The following CDH12 variants were observed in gnomAD, a reference collection of about 807,000 sequenced individuals.
CDH12 encodes cadherin-12.
In CDH12, 41 loss-of-function variants were observed where a neutral mutation model predicts 74.1. The observed-to-expected ratio is 0.55, with a 90% CI of 0.43 to 0.72. The LOEUF is 0.72. Ranked by LOEUF, CDH12 falls within the 30% of genes least tolerant of loss-of-function variation. The pLI, the probability that CDH12 is intolerant of heterozygous loss-of-function variation, is 0.00. For missense variants in CDH12, 945 were observed against 977.2 expected, an observed-to-expected ratio of 0.97 and a Z score of 0.44; for synonymous variants, 399 against 355.0, an observed-to-expected ratio of 1.12 and a Z score of -1.39.
At chr5:22,844,072 T>TA (rs1350467015) in intron 1 of CDH12, among the ~76,000 whole-genome samples, 1 of 151,978 alleles carries the variant, frequency 6.6e-6, no homozygotes, top group Non-Finnish European at 1.5e-5. Flanking sequence ...TTCATCAAGA[T>TA]AAAAAAGAGA....
intron 1 of CDH12, among the ~76,000 whole-genome samples, chr5:22,511,201 T>C (rs1580720428): frequency 6.6e-6 from 1 of 152,252 alleles, no homozygotes; most frequent in Non-Finnish European, 1.5e-5. Context: ...GGCCAACATA[T>C]ATAATTTTTA....
chr5:22,058,310 G>A (rs1042888007), intron 5 of CDH12, among the ~76,000 whole-genome samples: 1 of 152,086 alleles, frequency 6.6e-6, no homozygotes, highest in African/African-American at 2.4e-5. Context: ...GTCTGCCTCG[G>A]CCTCCCAAAG....
chr5:22,452,887 A>G lies in CDH12; in HGVS notation c.-427-47536T>C, dbSNP rs1471544911. Among the ~76,000 whole-genome samples the G allele has an allele frequency of 2.1e-5, 3 of 145,954 alleles. No homozygotes were observed. The East Asian group carries it at 6.0e-4, about 29-fold the overall frequency. On this transcript the variant is annotated intron_variant, in intron 2 of 14. Coordinates refer to ENST00000382254, the MANE Select transcript of CDH12 (RefSeq NM_004061.5). ...ACTCAAACAACCTAAGAGCAAAAAA[A>G]AAAAAAAAAAAAAAAAATGAGTTAA...
rs540273152 is a variant in CDH12, at chr5:21,986,789, C to T, written c.232-11404G>A. On this transcript the variant is annotated intron_variant, in intron 5 of 14. Coordinates refer to ENST00000382254, the MANE Select transcript of CDH12 (RefSeq NM_004061.5). ...ACAATACATTACTATAGTTACATAT[C>T]ATTTCTTAATTTATTGTTAGCATTT... Among the ~76,000 whole-genome samples, 203 of 152,116 alleles carry T rather than the reference C, an allele frequency of 1.3e-3. 1 individual carries two copies. The highest frequency in any genetic ancestry group is 1.7e-3 in the Non-Finnish European group (118 of 67,946).
chr5:22,533,846 C>T (rs1018154020), intron 1 of CDH12, among the ~76,000 whole-genome samples: 6 of 152,088 alleles, frequency 3.9e-5, no homozygotes, highest in Admixed American at 2.6e-4. Context: ...TAGAGTTATA[C>T]ACATATATGT....
At chr5:21,964,000 CTTAGGTGACTTA>C (rs1756473937) in intron 6 of CDH12, among the ~76,000 whole-genome samples, 1 of 151,946 alleles carries the variant, frequency 6.6e-6, no homozygotes, top group Non-Finnish European at 1.5e-5. Flanking sequence ...GAATCCCCTT[CTTAGGTGACTTA>C]TTAGGAAAAA....
chr5:22,119,780 T>C (rs1745397292), intron 4 of CDH12, among the ~76,000 whole-genome samples: 1 of 152,138 alleles, frequency 6.6e-6, no homozygotes, highest in Non-Finnish European at 1.5e-5. Flanking sequence ...AAGAAAAAAA[T>C]GAAAATGTGA....
At chr5:22,794,040 C>T (rs568239283) in intron 1 of CDH12, among the ~76,000 whole-genome samples, 13 of 152,178 alleles carry the variant, frequency 8.5e-5, no homozygotes, top group African/African-American at 2.7e-4. Context: ...TGCTGAAACA[C>T]TCAGTCTCAC....
intron 4 of CDH12, among the ~76,000 whole-genome samples, chr5:22,144,416 C>T (rs1336579693): frequency 1.3e-5 from 2 of 152,112 alleles, no homozygotes; most frequent in Admixed American, 1.3e-4. Context: ...TAATGTACTA[C>T]TAATCATAAC....
chr5:22,067,108 T>C (rs897986879), intron 5 of CDH12, among the ~76,000 whole-genome samples: 2 of 152,212 alleles, frequency 1.3e-5, no homozygotes, highest in Non-Finnish European at 2.9e-5. Flanking sequence ...TATGCCATAA[T>C]TCATTTCACA....
chr5:22,605,708 G>A (rs1483054121), intron 1 of CDH12, among the ~76,000 whole-genome samples: 1 of 152,226 alleles, frequency 6.6e-6, no homozygotes, highest in Non-Finnish European at 1.5e-5. Flanking sequence ...CTGTGTAGGG[G>A]AAAGTCAGGC....
intron 1 of CDH12, among the ~76,000 whole-genome samples, chr5:22,816,101 T>C (rs988674540): frequency 1.3e-5 from 2 of 152,190 alleles, no homozygotes. Context: ...TAAAATCAGC[T>C]TTATTTTCGG....
intron 11 of CDH12, among the ~76,000 whole-genome samples, chr5:21,771,277 A>T (rs1204290561): frequency 6.6e-6 from 1 of 152,072 alleles, no homozygotes; most frequent in Admixed American, 6.6e-5. Context: ...ATGGAATCTT[A>T]GCCTTTTATG....
intron 1 of CDH12, among the ~76,000 whole-genome samples, chr5:22,734,605 C>T (rs1744591210): frequency 6.6e-6 from 1 of 151,776 alleles, no homozygotes; most frequent in African/African-American, 2.4e-5. Flanking sequence ...TACTTTATAC[C>T]CAACTTCTTC....
intron 2 of CDH12, among the ~76,000 whole-genome samples, chr5:22,445,754 C>T (rs1461746346): frequency 6.6e-6 from 1 of 152,024 alleles, no homozygotes; most frequent in Non-Finnish European, 1.5e-5. Context: ...AGCAGGGCAC[C>T]CTGTGGGCAT....
chr5:22,288,798 A>T (rs746409276), intron 3 of CDH12, among the ~76,000 whole-genome samples: 15 of 152,218 alleles, frequency 9.9e-5, no homozygotes, highest in Non-Finnish European at 1.8e-4. Context: ...GTATTAATAG[A>T]CTTTGAATTT....
intron 1 of CDH12, among the ~76,000 whole-genome samples, chr5:22,689,919 T>C (rs1417185225): frequency 1.3e-5 from 2 of 151,982 alleles, no homozygotes; most frequent in Admixed American, 1.3e-4. Flanking sequence ...ATAAAATACA[T>C]GAAAGAAGAG....
At chr5:21,922,217 C>T (rs990088392) in intron 6 of CDH12, among the ~76,000 whole-genome samples, 1 of 152,066 alleles carries the variant, frequency 6.6e-6, no homozygotes, top group Non-Finnish European at 1.5e-5. Context: ...GTTTATTTCT[C>T]TCTTTATACA....
At chr5:22,260,682 G>A (rs1753472515) in intron 3 of CDH12, among the ~76,000 whole-genome samples, 1 of 151,868 alleles carries the variant, frequency 6.6e-6, no homozygotes, top group Admixed American at 6.6e-5. Context: ...AACAAGATAG[G>A]TACCAATTGT....
Sources: gnomAD v4.1 joint callset for allele counts (sites outside exome capture counted in the v4.1 genomes callset) on GRCh38, gnomAD v4.1.1 for gene constraint, MANE v1.5 for transcripts, NCBI Gene and HGNC (gene_info 2026-07-23, HGNC 2026-07-21) for gene names.